The following IL5RA variants were observed in gnomAD, a reference collection of about 807,000 sequenced individuals.
The protein encoded by IL5RA is interleukin-5 receptor subunit alpha.
A neutral mutation model predicts 50.0 loss-of-function variants in IL5RA; 49 were observed. That is an observed-to-expected ratio of 0.98 (90% confidence interval 0.78 to 1.24). The LOEUF is 1.24. Ranked by LOEUF, IL5RA falls within the 50% of genes most tolerant of loss-of-function variation. The pLI, the probability that IL5RA is intolerant of heterozygous loss-of-function variation, is 0.00. For missense variants in IL5RA, 600 were observed against 500.4 expected (o/e 1.20, Z -1.90); for synonymous variants, 202 against 174.0 (o/e 1.16, Z -1.26).
chr3:3,086,154 A>C (rs1218689799), intron 9 of IL5RA, among the ~76,000 whole-genome samples: 1 of 152,250 alleles, frequency 6.6e-6, no homozygotes, highest in East Asian at 1.9e-4. Context: ...TCTCAGAACC[A>C]CTGATCCTGA....
chr3:3,101,872 T>TAGACTTAAG, intron 4 of IL5RA, 42 bp from the exon 5 acceptor site: 1 of 1,564,228 alleles, frequency 6.4e-7, no homozygotes, highest in Non-Finnish European at 8.8e-7. Context: ...AAAAGAGAAC[T>TAGACTTAAG]AGACTTAAGA....
intron 5 of IL5RA, among the ~76,000 whole-genome samples, chr3:3,098,719 C>G (rs1047031719): frequency 9.9e-5 from 15 of 152,096 alleles, no homozygotes; most frequent in African/African-American, 3.6e-4. Context: ...TCACATATTT[C>G]TAGAAACCTA....
At chr3:3,089,598 T>G (rs1291309583) in intron 9 of IL5RA, among the ~76,000 whole-genome samples, 1 of 152,086 alleles carries the variant, frequency 6.6e-6, no homozygotes, top group African/African-American at 2.4e-5. Context: ...AGAGATGGCA[T>G]CCACATGCTT....
chr3:3,066,660 C>G lies in IL5RA; in HGVS notation c.*3565G>C, dbSNP rs1702143811. On this transcript the variant is annotated 3_prime_UTR_variant, in exon 12 of 12. Transcript: ENST00000446632. ...ACCTCAGGCTTCTTAATTCCACCAG[C>G]AGATGGTCCTGACACATAGAAGTCT... 6.6e-6 allele frequency: 1 copy of G among 152,206 alleles called. No homozygotes were observed. Among genetic ancestry groups the G allele is most frequent in the Non-Finnish European group, 1.5e-5 (1 of 68,046 alleles). 9.4% of individuals were successfully genotyped at this position (152,206 alleles called of 1,614,324 possible). A position where few individuals can be genotyped will look rare whatever the true frequency, so the allele number is the denominator to read the frequency against.
chr3:3,076,276 C>T (rs1702480017), intron 10 of IL5RA, among the ~76,000 whole-genome samples: 1 of 151,976 alleles, frequency 6.6e-6, no homozygotes, highest in Non-Finnish European at 1.5e-5. Context: ...AAATTAAAAG[C>T]TGTCGACAAC....
intron 9 of IL5RA, among the ~76,000 whole-genome samples, chr3:3,082,928 C>T (rs1702718900): frequency 6.6e-6 from 1 of 152,186 alleles, no homozygotes; most frequent in Non-Finnish European, 1.5e-5. Flanking sequence ...TCAGACTCAA[C>T]AATAGGTTTC....
chr3:3,097,545 G>C (rs1428304049), intron 7 of IL5RA, among the ~76,000 whole-genome samples: 2 of 152,132 alleles, frequency 1.3e-5, no homozygotes, highest in Non-Finnish European at 2.9e-5. Flanking sequence ...TACCCCTTGA[G>C]GGGCATTTGG....
chr3:3,102,511 G>A (rs779443230), intron 4 of IL5RA, among the ~76,000 whole-genome samples, 164 bp downstream of exon 4: 32 of 152,280 alleles, frequency 2.1e-4, no homozygotes, highest in Middle Eastern at 3.4e-3. Flanking sequence ...TACACCCGGC[G>A]CTAGCTCACA....
At chr3:3,076,371 T>C (rs1702483248) in intron 10 of IL5RA, among the ~76,000 whole-genome samples, 160 bp downstream of exon 10, 2 of 152,184 alleles carry the variant, frequency 1.3e-5, no homozygotes, top group East Asian at 1.9e-4. Flanking sequence ...TTTCCACTTT[T>C]GATTTGGCCT....
chr3:3,100,232 G>T (rs575868373), intron 5 of IL5RA, among the ~76,000 whole-genome samples: 15 of 152,264 alleles, frequency 9.9e-5, no homozygotes, highest in African/African-American at 3.6e-4. Context: ...GTGAGCTGTA[G>T]ATCATTTTTA....
chr3:3,090,134 A>C (rs950009040), intron 9 of IL5RA: 2 of 1,421,488 alleles, frequency 1.4e-6, no homozygotes, highest in East Asian at 4.6e-5. Flanking sequence ...TATTTAGCAT[A>C]GTGCTTGGCA....
chr3:3,092,044 A>C lies in IL5RA; in HGVS notation c.994+180T>G. The C allele has an allele frequency of 1.5e-6, 2 of 1,368,374 alleles. No homozygotes were observed. Among genetic ancestry groups the C allele is most frequent in the Non-Finnish European group, 1.9e-6 (2 of 1,064,774 alleles). 84.8% of individuals were successfully genotyped at this position (1,368,374 alleles called of 1,614,324 possible). Reference sequence around the variant, plus strand: ...TAATGAGAAGCCTAGACACTTAAAAACTTCACTGGCTTCATGGCAAATCTA... The same window carrying C: ...TAATGAGAAGCCTAGACACTTAAAACCTTCACTGGCTTCATGGCAAATCTA... On this transcript the variant is annotated intron_variant, in intron 9 of 11. Coordinates refer to ENST00000446632, the MANE Select transcript of IL5RA (RefSeq NM_175726.4). This position sits in a 1 kb window ranked among gnomAD's most constrained non-coding sequence, Gnocchi z 4.2.
rs1384223761 is a variant in IL5RA at position 3,101,954 on chromosome 3, G to C, written c.229-124C>G. 3.3e-6 allele frequency: 3 copies of C among 912,950 alleles called. No homozygotes were observed. In the East Asian group the frequency reaches 8.3e-5, roughly 25 times the overall value. The allele number at this position is 912,950 out of a possible 1,614,324, so 56.6% of individuals were successfully genotyped here. On this transcript the variant is annotated intron_variant, in intron 4 of 11. Transcript: ENST00000446632. ...TAGTAAGATGCAATGAAATAGTTTTGCTAGAAAAAAAGTCAAAACAAAACC... is the reference window on the plus strand; with the variant it reads ...TAGTAAGATGCAATGAAATAGTTTTCCTAGAAAAAAAGTCAAAACAAAACC...
In IL5RA at chr3:3,092,966, C is replaced by T. The variant is rs565408989; in HGVS notation, c.856-604G>A. Reference sequence around the variant, plus strand: ...CTTTTGCTTGGACCTTTGCAGTAGCCGCTAACTGATATCATATGTCCATGT... The same window carrying T: ...CTTTTGCTTGGACCTTTGCAGTAGCTGCTAACTGATATCATATGTCCATGT... On this transcript the variant is annotated intron_variant, in intron 8 of 11. Transcript: ENST00000446632. This position sits in a 1 kb window ranked among gnomAD's most constrained non-coding sequence, Gnocchi z 4.2. 3.9e-5 allele frequency among the ~76,000 whole-genome samples: 6 copies of T among 152,008 alleles called. No homozygotes were observed. The highest frequency in any genetic ancestry group is 7.4e-5 in the Non-Finnish European group (5 of 68,016).
chr3:3,090,815 T>C (rs889034694), intron 9 of IL5RA, among the ~76,000 whole-genome samples: 34 of 151,954 alleles, frequency 2.2e-4, no homozygotes, highest in Non-Finnish European at 4.0e-4. Context: ...CCTCGTGATC[T>C]GCCCATCTCG....
rs994710878 is a variant in IL5RA, at chr3:3,103,212, A to G, written c.83-392T>C. Among the ~76,000 whole-genome samples the G allele has an allele frequency of 3.9e-5, 6 of 152,200 alleles. No individual in the cohort carries two copies. The South Asian group carries it at 1.2e-3, about 32-fold the overall frequency. On this transcript the variant is annotated intron_variant, in intron 3 of 11. Transcript: ENST00000446632. ...AGAGGTTTCTTCAAAACTGTTTTTA[A>G]TATCTTTTTTACGTTGCCCATGTCC...
rs1703659373 is a variant in IL5RA, at chr3:3,101,682, C to A, written c.367+10G>T. ...AACATACAAACTGGACTTTTGGAGG[C>A]CTGCTTTACCTGGTGGGGCATGAAG... On this transcript the variant is annotated intron_variant, in intron 5 of 11. Transcript: ENST00000446632. 1 of 1,606,984 alleles carries A rather than the reference C, an allele frequency of 6.2e-7. No individual in the cohort carries two copies. The highest frequency in any genetic ancestry group is 8.5e-7 in the Non-Finnish European group (1 of 1,178,168).
rs1465516314 is a variant in IL5RA, at chr3:3,104,945, C to T, written c.40G>A (p.Ala14Thr). 1.2e-6 allele frequency: 2 copies of T among 1,612,698 alleles called. No individual in the cohort carries two copies. Among genetic ancestry groups the T allele is most frequent in the Non-Finnish European group, 1.7e-6 (2 of 1,178,940 alleles). ...AAGTCAGCTTGCAGTATCTCAGTGGCCCCCAAAAGGATGAGTAATACATGC... is the reference window on the plus strand; with the variant it reads ...AAGTCAGCTTGCAGTATCTCAGTGGTCCCCAAAAGGATGAGTAATACATGC... ...VAHVLLILLG[A>T]TEILQADLLP... is the part of the protein sequence containing the mutation. The change falls in exon 3 of 12, where the codon GCC (alanine) becomes ACC (threonine). Residue 14 changes from alanine to threonine, a missense_variant. Coordinates refer to ENST00000446632, the MANE Select transcript of IL5RA (RefSeq NM_175726.4).
chr3:3,085,551 T>C (rs373063427), intron 9 of IL5RA, among the ~76,000 whole-genome samples: 1 of 152,160 alleles, frequency 6.6e-6, no homozygotes, highest in South Asian at 2.1e-4. Flanking sequence ...CTTGGCACAA[T>C]GCAGGCAAAC....
Sources: allele counts gnomAD v4.1 joint callset (sites outside exome capture counted in the v4.1 genomes callset), GRCh38; gene constraint gnomAD v4.1.1; non-coding constraint Gnocchi (gnomAD v3.1); transcripts MANE v1.5; gene names NCBI Gene and HGNC (gene_info 2026-07-23, HGNC 2026-07-21).